PDE7B: variants seen among roughly 807,000 people sequenced by gnomAD.
PDE7B encodes the protein 3',5'-cyclic-AMP phosphodiesterase 7B.
PDE7B carries 29 observed loss-of-function variants against 56.2 expected under a neutral mutation model. The observed-to-expected ratio is 0.52, with a 90% CI of 0.38 to 0.70. PDE7B has a LOEUF of 0.70. Ranked by LOEUF, PDE7B falls within the 30% of genes least tolerant of loss-of-function variation. The pLI is 0.00. For synonymous variants in PDE7B, 197 were observed against 196.9 expected, an observed-to-expected ratio of 1.00 and a Z score of 0.00; for missense variants, 490 against 565.0, an observed-to-expected ratio of 0.87 and a Z score of 1.35.
intron 2 of PDE7B, among the ~76,000 whole-genome samples, chr6:136,098,592 AG>A (rs1777509159): frequency 6.6e-6 from 1 of 152,178 alleles, no homozygotes; most frequent in Admixed American, 6.5e-5. Flanking sequence ...AAAATCATAA[AG>A]CCTCACAATG....
chr6:136,005,946 G>T (rs1775774132), intron 2 of PDE7B, among the ~76,000 whole-genome samples: 1 of 151,842 alleles, frequency 6.6e-6, no homozygotes, highest in Non-Finnish European at 1.5e-5. Flanking sequence ...CAAAGACTTG[G>T]AACCAACCCA....
At chr6:135,966,894 A>G (rs1456068795) in intron 2 of PDE7B, among the ~76,000 whole-genome samples, 1 of 152,156 alleles carries the variant, frequency 6.6e-6, no homozygotes, top group Non-Finnish European at 1.5e-5. Context: ...ATCTACTGTA[A>G]TCCTAGAACT....
chr6:136,190,896 T>C (rs775371658), intron 12 of PDE7B, among the ~76,000 whole-genome samples: 5 of 152,006 alleles, frequency 3.3e-5, no homozygotes, highest in Non-Finnish European at 7.4e-5. Context: ...GAAAAAGATA[T>C]CCCACAGGGT....
intron 2 of PDE7B, among the ~76,000 whole-genome samples, chr6:136,073,061 C>G (rs937888159): frequency 6.6e-6 from 1 of 152,070 alleles, no homozygotes; most frequent in Non-Finnish European, 1.5e-5. Context: ...TGTTCTTTGT[C>G]TTTTTGGCCT....
intron 1 of PDE7B, among the ~76,000 whole-genome samples, chr6:135,877,082 A>G (rs550858379): frequency 1.4e-3 from 213 of 151,480 alleles, no homozygotes; most frequent in African/African-American, 4.9e-3. Context: ...TTAAAAAAAA[A>G]TCTACCGAAT....
intron 2 of PDE7B, among the ~76,000 whole-genome samples, chr6:135,950,089 A>G (rs1372929720): frequency 1.3e-5 from 2 of 152,270 alleles, no homozygotes; most frequent in Non-Finnish European, 2.9e-5. Context: ...ATCCACCTGA[A>G]GCCCAAGGAC....
At chr6:136,184,629 G>C (rs1047326315) in intron 11 of PDE7B, among the ~76,000 whole-genome samples, 12 of 152,146 alleles carry the variant, frequency 7.9e-5, no homozygotes, top group South Asian at 2.1e-4. Context: ...TTGTAGACCA[G>C]CTCAGTCTCA....
At chr6:136,073,259 A>G (rs1232508538) in intron 2 of PDE7B, among the ~76,000 whole-genome samples, 2 of 152,180 alleles carry the variant, frequency 1.3e-5, no homozygotes, top group Non-Finnish European at 2.9e-5. Context: ...GCATTGTGAC[A>G]GGTCCTGGGG....
chr6:136,024,797 C>A (rs561637128), intron 2 of PDE7B, among the ~76,000 whole-genome samples: 1 of 152,282 alleles, frequency 6.6e-6, no homozygotes, highest in African/African-American at 2.4e-5. Context: ...AAAACTCTGC[C>A]TCCAAAGGTT....
At chr6:135,929,425 A>G (rs1035610273) in intron 1 of PDE7B, among the ~76,000 whole-genome samples, 1 of 152,236 alleles carries the variant, frequency 6.6e-6, no homozygotes, top group Non-Finnish European at 1.5e-5. Context: ...GAGTTTTGCT[A>G]TAAGTATAAA....
chr6:136,171,168 A>C (rs1404025086), intron 8 of PDE7B, among the ~76,000 whole-genome samples: 1 of 152,186 alleles, frequency 6.6e-6, no homozygotes, highest in Admixed American at 6.6e-5. Flanking sequence ...TAAATGGTTA[A>C]TTGTTCAGAT....
At position 135,893,630 on chromosome 6, in the gene PDE7B, A is replaced by G. The variant is rs189386857; in HGVS notation, c.21+41611A>G. 6.4e-4 allele frequency among the ~76,000 whole-genome samples: 98 copies of G among 152,230 alleles called. 2 individuals carry two copies. The East Asian group carries it at 0.016, about 25-fold the overall frequency. ...TGATTCCTCAGGGATCTAGAACTAG[A>G]AATACCATTTGACCCAGCCATCCCA... On this transcript the variant is annotated intron_variant, in intron 1 of 12. Coordinates refer to ENST00000308191, the MANE Select transcript of PDE7B (RefSeq NM_018945.4).
chr6:136,009,359 T>A (rs917983900), intron 2 of PDE7B, among the ~76,000 whole-genome samples: 102 of 152,200 alleles, frequency 6.7e-4, no homozygotes, highest in South Asian at 6.2e-4. Flanking sequence ...TAGTTTTTTC[T>A]AATTCTGTGA....
At chr6:135,925,935 G>A (rs1363054756) in intron 1 of PDE7B, among the ~76,000 whole-genome samples, 2 of 152,138 alleles carry the variant, frequency 1.3e-5, no homozygotes, top group Admixed American at 6.5e-5. Flanking sequence ...CTCACCCATC[G>A]CTAGGTTCAT....
intron 3 of PDE7B, among the ~76,000 whole-genome samples, chr6:136,143,622 G>A (rs7770469): frequency 0.46 from 69,880 of 151,736 alleles, 16,713 homozygotes; most frequent in African/African-American, 0.61. Context: ...TCTAGGTGAA[G>A]AAAAATAGGT....
At chr6:136,174,698 C>A (rs1243857067) in intron 9 of PDE7B, among the ~76,000 whole-genome samples, 1 of 152,140 alleles carries the variant, frequency 6.6e-6, no homozygotes, top group Non-Finnish European at 1.5e-5. Context: ...CCCAACTGAA[C>A]AAGCAGTATA....
At chr6:135,942,804 A>G (rs1053962262) in intron 1 of PDE7B, among the ~76,000 whole-genome samples, 12 of 152,088 alleles carry the variant, frequency 7.9e-5, no homozygotes, top group African/African-American at 2.4e-4. Context: ...AGATTCATCC[A>G]TCTTATCACA....
intron 2 of PDE7B, among the ~76,000 whole-genome samples, chr6:136,088,995 CA>C (rs59630761): frequency 1.4e-3 from 193 of 136,058 alleles, no homozygotes; most frequent in Middle Eastern, 7.4e-3. Context: ...TTTCCCCCGC[CA>C]AAAAAAAAAA....
intron 2 of PDE7B, among the ~76,000 whole-genome samples, chr6:136,048,565 T>C (rs767375775): frequency 3.3e-5 from 5 of 152,078 alleles, no homozygotes; most frequent in Non-Finnish European, 7.4e-5. Context: ...AGGGCTAGGA[T>C]AAGACTAGAA....
Sources: gnomAD v4.1 joint callset for allele counts (sites outside exome capture counted in the v4.1 genomes callset) on GRCh38, gnomAD v4.1.1 for gene constraint, MANE v1.5 for transcripts, NCBI Gene and HGNC (gene_info 2026-07-23, HGNC 2026-07-21) for gene names.